Variants in STON1 observed in about 807,000 individuals in gnomAD.
STON1 encodes stonin 1.
A neutral mutation model predicts 60.9 loss-of-function variants in STON1; 79 were observed. That is an observed-to-expected ratio of 1.30 (90% CI 1.08 to 1.56). STON1 has a LOEUF of 1.56. STON1 is among the 40% of genes most tolerant of loss of function. The pLI, the probability that STON1 is intolerant of heterozygous loss-of-function variation, is 0.00. For synonymous variants in STON1, 363 were observed against 306.9 expected (o/e 1.18, Z -1.91); for missense variants, 1,166 against 858.9 (o/e 1.36, Z -4.47).
chr2:48,580,750 ACTGAAG>A lies in STON1; in HGVS notation c.123_128del (p.Lys41_Leu42del). On this transcript the variant is annotated inframe_deletion, in exon 2 of 4. Coordinates refer to ENST00000404752, the MANE Select transcript of STON1 (RefSeq NM_006873.4). ...ATCAAGGTGTCTGTAGACCAAATGG[ACTGAAG>A]CTGAACCTTCCTGGCCTCAGGGAAT... 1 of 1,550,916 alleles carries A rather than the reference ACTGAAG, an allele frequency of 6.4e-7. No homozygotes were observed. Among genetic ancestry groups the A allele is most frequent in the Non-Finnish European group, 8.7e-7 (1 of 1,149,612 alleles).
chr2:48,560,838 C>T lies in STON1; in HGVS notation c.-47-19749C>T, dbSNP rs572229110. Among the ~76,000 whole-genome samples, 116 of 152,308 alleles carry T rather than the reference C, an allele frequency of 7.6e-4. 2 individuals are homozygous for T. In the Middle Eastern group the frequency reaches 0.031, roughly 40 times the overall value. ...GGCCACGTGCTCCCTTGCTTCCAGA[C>T]TGGCAGCCTAGCCTCCTTGAAATTG... On this transcript the variant is annotated intron_variant, in intron 1 of 3. Coordinates refer to ENST00000404752, the MANE Select transcript of STON1 (RefSeq NM_006873.4).
At position 48,582,085 on chromosome 2, in the gene STON1, C is replaced by T. The variant is rs760310716; in HGVS notation, c.1452C>T (p.Asp484=). ...AAAAAAAGGGGATTGATATTCTTGA[C>T]TACCATTTTCATAAGTGTGTGAATG... ...DSEKKGIDIL[D]YHFHKCVNVQ... Residue 484 remains aspartate (D), a synonymous_variant, in exon 2 of 4, where the codon GAC becomes GAT. Transcript: ENST00000404752. 1.2e-6 allele frequency: 2 copies of T among 1,614,058 alleles called. No individual in the cohort carries two copies. The highest frequency in any genetic ancestry group is 8.5e-7 in the Non-Finnish European group (1 of 1,180,052).
chr2:48,588,100 G>T (rs561754989), intron 2 of STON1, among the ~76,000 whole-genome samples: 1 of 152,240 alleles, frequency 6.6e-6, no homozygotes, highest in East Asian at 1.9e-4. Flanking sequence ...AACTTTTGTG[G>T]GCCCAGGAAT....
chr2:48,575,683 T>TG (rs1317819947), intron 1 of STON1, among the ~76,000 whole-genome samples: 37 of 150,812 alleles, frequency 2.5e-4, no homozygotes, highest in South Asian at 1.5e-3. Context: ...AATAAATAAA[T>TG]AAATGAATTC....
At chr2:48,564,563 T>TCTTCTTCTCCTTCTC (rs1558605607) in intron 1 of STON1, among the ~76,000 whole-genome samples, 1 of 28,368 alleles carries the variant, frequency 3.5e-5, no homozygotes, top group African/African-American at 1.7e-4. Flanking sequence ...TTCTTCTTCT[T>TCTTCTTCTCCTTCTC]CTTCTCCTTC....
At position 48,597,944 on chromosome 2, in the gene STON1, G is replaced by C. The variant is rs187808867; in HGVS notation, c.*2642G>C. 6.6e-6 allele frequency: 1 copy of C among 152,074 alleles called. No individual in the cohort carries two copies. Among genetic ancestry groups the C allele is most frequent in the Non-Finnish European group, 1.5e-5 (1 of 68,018 alleles). 9.4% of individuals were successfully genotyped at this position (152,074 alleles called of 1,614,324 possible). ...ACCCTTGCTTTTAGGGGAGGGAAGC[G>C]GGGAAGGAAAGGAATGAGGGAGGAA... On this transcript the variant is annotated 3_prime_UTR_variant, in exon 4 of 4. Coordinates refer to ENST00000404752, the MANE Select transcript of STON1 (RefSeq NM_006873.4).
At chr2:48,573,006 C>T (rs1047140899) in intron 1 of STON1, among the ~76,000 whole-genome samples, 22 of 152,238 alleles carry the variant, frequency 1.4e-4, no homozygotes, top group African/African-American at 5.3e-4. Context: ...CAAATGACAA[C>T]AGTGAGTGCT....
At chr2:48,584,253 G>C (rs192322102) in intron 2 of STON1, among the ~76,000 whole-genome samples, 1 of 152,032 alleles carries the variant, frequency 6.6e-6, no homozygotes, top group African/African-American at 2.4e-5. Context: ...TTATGGCAGT[G>C]TTTCTCAAAC....
intron 1 of STON1, among the ~76,000 whole-genome samples, chr2:48,553,747 CA>C (rs1164882579): frequency 6.6e-6 from 1 of 152,160 alleles, no homozygotes; most frequent in Non-Finnish European, 1.5e-5. Flanking sequence ...CTCGGCCTTC[CA>C]AAGTGCTGGG....
intron 1 of STON1, among the ~76,000 whole-genome samples, chr2:48,536,342 G>A (rs1671426643): frequency 6.6e-6 from 1 of 152,080 alleles, no homozygotes; most frequent in South Asian, 2.1e-4. Context: ...GAGGTTAAAA[G>A]TTCGAGACCA....
chr2:48,573,641 G>A (rs995472274), intron 1 of STON1, among the ~76,000 whole-genome samples: 3 of 152,212 alleles, frequency 2.0e-5, no homozygotes, highest in African/African-American at 7.2e-5. Flanking sequence ...AGGTTGGGCT[G>A]AAGTGACCTG....
Position 48,581,230 on chromosome 2 carries a change from C to T in STON1, c.597C>T (p.Asp199=). The T allele has an allele frequency of 6.6e-7, 1 of 1,518,758 alleles. No individual in the cohort carries two copies. Among genetic ancestry groups the T allele is most frequent in the Non-Finnish European group, 8.8e-7 (1 of 1,139,586 alleles). The allele number at this position is 1,518,758 out of a possible 1,614,324, so 94.1% of individuals were successfully genotyped here. ...DEGSDSHFTL[D]PPGSKKMFSS... ...GCAGTGATTCCCATTTCACCCTTGA[C>T]CCACCAGGAAGCAAAAAGATGTTCT... Residue 199 remains aspartate, a synonymous_variant, in exon 2 of 4, where the codon GAC becomes GAT. Coordinates refer to ENST00000404752, the MANE Select transcript of STON1 (RefSeq NM_006873.4).
rs141406493 is a variant in STON1, at chr2:48,535,632, G to A, written c.-48+5416G>A. ...GGCCGACGTGGGGGGATCACCTGAG[G>A]TCAGGACAAGAAGTCTGATCACAAA... On this transcript the variant is annotated intron_variant, in intron 1 of 3. Transcript: ENST00000404752. Among the ~76,000 whole-genome samples, 487 of 151,924 alleles carry A rather than the reference G, an allele frequency of 3.2e-3. 15 individuals are homozygous for A. In the East Asian group the frequency reaches 0.074, roughly 23 times the overall value.
chr2:48,581,954 C>G lies in STON1; in HGVS notation c.1321C>G (p.Gln441Glu), dbSNP rs1178498942. 1.2e-6 allele frequency: 2 copies of G among 1,614,158 alleles called. No individual in the cohort carries two copies. Among genetic ancestry groups the G allele is most frequent in the South Asian group, 1.1e-5 (1 of 91,064 alleles). ...GKFVESAVIT[Q>E]IYCLCFVNGN... ...ATTTGTTGAAAGTGCTGTGATAACT[C>G]AAATTTATTGCCTCTGCTTTGTGAA... The change falls in exon 2 of 4, where the codon CAA (glutamine) becomes GAA (glutamate). Residue 441 changes from glutamine (Q) to glutamate (E), a missense_variant. Gln to Glu is a conservative substitution (Grantham distance 29). Coordinates refer to ENST00000404752, the MANE Select transcript of STON1 (RefSeq NM_006873.4).
chr2:48,584,009 A>G (rs961988981), intron 2 of STON1, among the ~76,000 whole-genome samples: 3 of 152,008 alleles, frequency 2.0e-5, no homozygotes, highest in Non-Finnish European at 4.4e-5. Flanking sequence ...TCGGCCTCCC[A>G]TAGTGCTGGG....
At chr2:48,562,211 G>T (rs901374296) in intron 1 of STON1, among the ~76,000 whole-genome samples, 3 of 152,188 alleles carry the variant, frequency 2.0e-5, no homozygotes, top group Admixed American at 6.5e-5. Context: ...ACATCTGCAG[G>T]TGCTGTTCTG....
chr2:48,593,524 A>G (rs1028168547), intron 3 of STON1, among the ~76,000 whole-genome samples: 2 of 152,232 alleles, frequency 1.3e-5, no homozygotes, highest in Non-Finnish European at 2.9e-5. Flanking sequence ...CTTTCACATG[A>G]GCAACATTTT....
At chr2:48,530,347 C>A (rs1490437391) in intron 1 of STON1, 131 bp downstream of exon 1, 4 of 270,984 alleles carry the variant, frequency 1.5e-5, no homozygotes, top group Non-Finnish European at 2.1e-5. Context: ...CCGCTCGGCG[C>A]CTCCCCATCT....
intron 1 of STON1, among the ~76,000 whole-genome samples, chr2:48,575,041 G>A (rs370429325): frequency 6.6e-6 from 1 of 152,140 alleles, no homozygotes; most frequent in Non-Finnish European, 1.5e-5. Context: ...CCAGTTCCTG[G>A]CAAATGCCAT....
Sources: allele counts gnomAD v4.1 joint callset (sites outside exome capture counted in the v4.1 genomes callset), GRCh38; gene constraint gnomAD v4.1.1; transcripts MANE v1.5; gene names NCBI Gene and HGNC (gene_info 2026-07-23, HGNC 2026-07-21).